TECTA: variants seen among roughly 807,000 people sequenced by gnomAD.
TECTA encodes the protein tectorin alpha.
Under a neutral mutation model 216.8 loss-of-function variants are expected in TECTA, and 128 were observed. The observed-to-expected ratio is 0.59, with a 90% CI of 0.51 to 0.68. TECTA has a LOEUF of 0.68. Ranked by LOEUF, TECTA falls within the 30% of genes least tolerant of loss-of-function variation. TECTA has a pLI of 0.00. For synonymous variants in TECTA, 1,089 were observed against 1,117.1 expected, an observed-to-expected ratio of 0.97 and a Z score of 0.50; for missense variants, 2,551 against 2,786.2, an observed-to-expected ratio of 0.92 and a Z score of 1.90.
intron 6 of TECTA, among the ~76,000 whole-genome samples, chr11:121,115,357 G>A (rs1946491629): frequency 6.6e-6 from 1 of 152,212 alleles, no homozygotes; most frequent in Admixed American, 6.5e-5. Flanking sequence ...CACTCTGTGA[G>A]GTGCTGGAGA....
At chr11:121,138,145 C>T in intron 11 of TECTA, 123 bp downstream of exon 11, 1 of 1,343,480 alleles carries the variant, frequency 7.4e-7, no homozygotes, top group South Asian at 1.3e-5. Flanking sequence ...TATATTAAAG[C>T]AGAGAGAGGC....
At chr11:121,130,473 CT>C (rs1402839110) in intron 10 of TECTA, among the ~76,000 whole-genome samples, 12 of 152,182 alleles carry the variant, frequency 7.9e-5, no homozygotes, top group Admixed American at 7.2e-4. Flanking sequence ...GTGGTTTTAT[CT>C]AGCAGAGGGT....
chr11:121,128,063 T>C lies in TECTA; in HGVS notation c.2086T>C (p.Cys696Arg). 1 of 1,612,560 alleles carries C rather than the reference T, an allele frequency of 6.2e-7. No individual in the cohort carries two copies. The highest frequency in any genetic ancestry group is 8.5e-7 in the Non-Finnish European group (1 of 1,179,380). The change falls in exon 9 of 24, where the codon TGC becomes CGC. Residue 696 changes from cysteine (C) to arginine (R), a missense_variant. Around this residue, in one of 3 missense-constraint regions of TECTA, gnomAD observed 2,375 missense variants for 2,563.9 expected, o/e 0.93. Coordinates refer to ENST00000392793, the MANE Select transcript of TECTA (RefSeq NM_005422.4). Reference protein sequence around the residue: ...FNKTCGSGEVCAVEDGYQGCF... With the variant: ...FNKTCGSGEVRAVEDGYQGCF... Reference sequence around the variant, plus strand: ...CAAGACCTGCGGCAGCGGGGAGGTGTGCGCCGTGGAGGACGGCTACCAGGG... The same window carrying C: ...CAAGACCTGCGGCAGCGGGGAGGTGCGCGCCGTGGAGGACGGCTACCAGGG...
chr11:121,102,073 T>C (rs1946351421), intron 1 of TECTA, among the ~76,000 whole-genome samples: 1 of 152,206 alleles, frequency 6.6e-6, no homozygotes, highest in Admixed American at 6.5e-5. Flanking sequence ...CATTTCACTG[T>C]GGGAAGTCAG....
In TECTA at chr11:121,128,344, G is replaced by A. The variant is rs1448260319; in HGVS notation, c.2367G>A (p.Lys789=). Residue 789 remains lysine, a splice_region_variant and synonymous_variant, in exon 9 of 24, where the codon AAG becomes AAA. Coordinates refer to ENST00000392793, the MANE Select transcript of TECTA (RefSeq NM_005422.4). The stretch of plus-strand genomic sequence containing the variant: ...GAGGCATCGGGGCTTCGGAAGTCAA[G>A]GTAAGGCTCCTTGCTCCTTTGGAGG... ...KIGGIGASEV[K]LNGQEVELPF... 1 of 1,599,326 alleles carries A rather than the reference G, an allele frequency of 6.3e-7. No individual in the cohort carries two copies. Among genetic ancestry groups the A allele is most frequent in the Non-Finnish European group, 8.5e-7 (1 of 1,179,902 alleles).
In TECTA at chr11:121,127,605, A is replaced by T. The variant is rs955611388; in HGVS notation, c.1775-147A>T. ...AGAGTCATTGAGCTGGGTTTTACAG[A>T]TACAACCTCAATTCTGTCTTCCCCG... On this transcript the variant is annotated intron_variant, in intron 8 of 23. Coordinates refer to ENST00000392793, the MANE Select transcript of TECTA (RefSeq NM_005422.4). This position sits in a 1 kb window ranked among gnomAD's most constrained non-coding sequence, Gnocchi z 5.0. The T allele has an allele frequency of 1.2e-6, 1 of 856,350 alleles. No homozygotes were observed. The highest frequency in any genetic ancestry group is 1.7e-5 in the African/African-American group (1 of 60,352). 53.0% of individuals were successfully genotyped at this position (856,350 alleles called of 1,614,324 possible).
At chr11:121,186,970 A>G (rs376251828) in intron 20 of TECTA, among the ~76,000 whole-genome samples, 20 of 152,218 alleles carry the variant, frequency 1.3e-4, no homozygotes, top group African/African-American at 4.1e-4. Context: ...AGTAAGGAAC[A>G]TGACTTGGTT....
At chr11:121,122,635 A>G (rs1201629270) in intron 7 of TECTA, among the ~76,000 whole-genome samples, 1 of 146,388 alleles carries the variant, frequency 6.8e-6, no homozygotes, top group Non-Finnish European at 1.5e-5. Flanking sequence ...CAGGAGTTCA[A>G]GACCACCCTG....
intron 15 of TECTA, 152 bp downstream of exon 15, chr11:121,160,573 T>C: frequency 1.8e-6 from 2 of 1,097,894 alleles, no homozygotes; most frequent in African/African-American, 1.5e-5. Flanking sequence ...ATGCTAAAAA[T>C]AGGCACATCA....
Position 121,162,166 on chromosome 11 carries a change from T to A in TECTA, c.5068T>A (p.Tyr1690Asn). ...CATCCAGAAGATGCAGGGTGATGGCTACTGCCTGAAGCTCACCGACATGAA... is the reference window on the plus strand; with the variant it reads ...CATCCAGAAGATGCAGGGTGATGGCAACTGCCTGAAGCTCACCGACATGAA... The part of the protein sequence containing the change: ...VHIQKMQGDG[Y>N]CLKLTDMKGF... Residue 1690 changes from tyrosine (Y) to asparagine (N), a missense_variant, in exon 16 of 24, where the codon TAC (tyrosine) becomes AAC (asparagine). Physicochemically the swap from Tyr to Asn is moderately radical, Grantham distance 143. Around this residue, in one of 3 missense-constraint regions of TECTA, gnomAD observed 2,375 missense variants for 2,563.9 expected, o/e 0.93. Coordinates refer to ENST00000392793, the MANE Select transcript of TECTA (RefSeq NM_005422.4). The A allele has an allele frequency of 6.2e-7, 1 of 1,614,204 alleles. No homozygotes were observed. Among genetic ancestry groups the A allele is most frequent in the Non-Finnish European group, 8.5e-7 (1 of 1,180,052 alleles).
Position 121,135,788 on chromosome 11 carries a change from A to T in TECTA, c.2942-1633A>T, listed in dbSNP as rs147024296. On this transcript the variant is annotated intron_variant, in intron 10 of 23. Transcript: ENST00000392793. ...AGGCGAGATCTTATTTTCCCAGAAG[A>T]TGGTGGGGACTTCGCTGATCTTTAG... is the stretch of plus-strand genomic sequence containing the variant. 5.3e-5 allele frequency among the ~76,000 whole-genome samples: 8 copies of T among 152,326 alleles called. No homozygotes were observed. The East Asian group carries it at 1.5e-3, about 29-fold the overall frequency.
chr11:121,127,678 C>T lies in TECTA; in HGVS notation c.1775-74C>T, dbSNP rs1156360885. 8.5e-6 allele frequency: 13 copies of T among 1,523,432 alleles called. No homozygotes were observed. The highest frequency in any genetic ancestry group is 6.8e-5 in the African/African-American group (5 of 73,066). The allele number at this position is 1,523,432 out of a possible 1,614,324, so 94.4% of individuals were successfully genotyped here. ...TAGGAACTAAATGATCCAGGAGGAG[C>T]GTTAAGATTCTGGCGGGTTAGCACT... is the stretch of plus-strand genomic sequence containing the variant. On this transcript the variant is annotated intron_variant, in intron 8 of 23. Transcript: ENST00000392793. This position sits in a 1 kb window ranked among gnomAD's most constrained non-coding sequence, Gnocchi z 5.0.
At chr11:121,166,829 C>G in intron 18 of TECTA, 49 bp downstream of exon 18, 1 of 1,603,646 alleles carries the variant, frequency 6.2e-7, no homozygotes, top group Non-Finnish European at 8.5e-7. Flanking sequence ...GCGACAGCTT[C>G]GAGTGTTTGC....
intron 20 of TECTA, among the ~76,000 whole-genome samples, chr11:121,179,816 A>G (rs781242760): frequency 6.6e-6 from 1 of 152,040 alleles, no homozygotes; most frequent in African/African-American, 2.4e-5. Context: ...AAAGTCTGTT[A>G]TATCTGACAC....
chr11:121,175,987 T>G (rs1947161898), intron 20 of TECTA, among the ~76,000 whole-genome samples: 1 of 152,134 alleles, frequency 6.6e-6, no homozygotes, highest in Non-Finnish European at 1.5e-5. Context: ...TTAAAGTCTG[T>G]TTTATCAGAG....
rs1276704107 is a variant in TECTA at position 121,145,913 on chromosome 11, G to T, written c.3902G>T (p.Cys1301Phe). ...VEGFSKVQQL[C>F]SLIPNQNAAF... ...GGTTTCTCCAAAGTGCAGCAGCTGT[G>T]CAGCCTGATCCCCAACCAGAACGCT... Residue 1301 changes from cysteine (C) to phenylalanine (F), a missense_variant, in exon 12 of 24, where the codon TGC (cysteine) becomes TTC (phenylalanine). Cys to Phe is a radical substitution (Grantham distance 205). Around this residue, in one of 3 missense-constraint regions of TECTA, gnomAD observed 2,375 missense variants for 2,563.9 expected, o/e 0.93. Transcript: ENST00000392793. 1.1e-5 allele frequency: 18 copies of T among 1,614,256 alleles called. No homozygotes were observed. Among genetic ancestry groups the T allele is most frequent in the Non-Finnish European group, 1.4e-5 (17 of 1,180,048 alleles).
At chr11:121,151,631 G>A (rs147171451) in intron 12 of TECTA, among the ~76,000 whole-genome samples, 32 of 152,100 alleles carry the variant, frequency 2.1e-4, no homozygotes, top group African/African-American at 5.3e-4. Context: ...ATTTCATCAC[G>A]CTTTTTCTTG....
intron 13 of TECTA, 127 bp downstream of exon 13, chr11:121,153,207 A>G (rs1591456622): frequency 9.2e-7 from 1 of 1,084,176 alleles, no homozygotes; most frequent in Non-Finnish European, 1.3e-6. Flanking sequence ...GTGGCAGGGG[A>G]ATGGGATGGG....
chr11:121,190,163 C>T (rs1947327795), intron 23 of TECTA: 1 of 419,748 alleles, frequency 2.4e-6, no homozygotes, highest in Admixed American at 3.5e-5. Context: ...TATTGGCCTA[C>T]ATCTGGCTGC....
Sources: allele counts gnomAD v4.1 joint callset (sites outside exome capture counted in the v4.1 genomes callset), GRCh38; gene constraint gnomAD v4.1.1; regional missense constraint gnomAD v4.1.1; non-coding constraint Gnocchi (gnomAD v3.1); transcripts MANE v1.5; gene names NCBI Gene and HGNC (gene_info 2026-07-23, HGNC 2026-07-21).